The following FAT4 variants were observed in gnomAD, a reference collection of about 807,000 sequenced individuals.
FAT4 encodes FAT atypical cadherin 4.
A neutral mutation model predicts 303.9 loss-of-function variants in FAT4; 84 were observed. That is an observed-to-expected ratio of 0.28 (90% CI 0.23 to 0.33). FAT4 has a LOEUF of 0.33. FAT4 is among the 10% of genes least tolerant of loss of function. The probability of loss-of-function intolerance (pLI) is 1.00; values close to 1 mark genes in which losing one functional copy is unlikely to be tolerated. For missense variants in FAT4, 6,005 were observed against 6,146.8 expected (o/e 0.98, Z 0.77); for synonymous variants, 2,307 against 2,298.8 (o/e 1.00, Z -0.10).
chr4:125,451,732 T>G lies in FAT4; in HGVS notation c.10722T>G (p.Ile3574Met), dbSNP rs1388095643. The G allele has an allele frequency of 1.2e-6, 2 of 1,614,050 alleles. No homozygotes were observed. Among genetic ancestry groups the G allele is most frequent in the Non-Finnish European group, 1.7e-6 (2 of 1,180,032 alleles). Residue 3574 changes from isoleucine (I) to methionine (M), a missense_variant, in exon 10 of 18, where the codon ATT (isoleucine) becomes ATG (methionine). Ile to Met is a conservative substitution (Grantham distance 10, BLOSUM62 1). Coordinates refer to ENST00000394329, the MANE Select transcript of FAT4 (RefSeq NM_001291303.3). ...GAGTTCTGAGCACAACCAGAGAGAT[T>G]GACAGAGAGCAGATTGCAGACTTCT... ...TAGVLSTTRE[I>M]DREQIADFYL... is the part of the protein sequence containing the mutation.
chr4:125,422,241 A>T (rs1724929089), intron 7 of FAT4, among the ~76,000 whole-genome samples: 1 of 152,234 alleles, frequency 6.6e-6, no homozygotes, highest in South Asian at 2.1e-4. Flanking sequence ...ATTGGTAATT[A>T]TCACTGCCAA....
Position 125,451,583 on chromosome 4 carries a change from C to G in FAT4, c.10573C>G (p.Pro3525Ala). ...AGGAGAAGTCATGGAAAACAAACGGCCAGGCACTTTGGTGATGACCCTTCA... is the reference window on the plus strand; with the variant it reads ...AGGAGAAGTCATGGAAAACAAACGGGCAGGCACTTTGGTGATGACCCTTCA... ...SEGEVMENKR[P>A]GTLVMTLQST... Residue 3525 changes from proline to alanine, a missense_variant, in exon 10 of 18, where the codon CCA becomes GCA. By Grantham distance (27) the Pro-to-Ala change is conservative. Transcript: ENST00000394329. 1.2e-6 allele frequency: 2 copies of G among 1,614,120 alleles called. No individual in the cohort carries two copies. Among genetic ancestry groups the G allele is most frequent in the Non-Finnish European group, 1.7e-6 (2 of 1,180,014 alleles).
At chr4:125,425,723 T>C (rs1291873249) in intron 7 of FAT4, among the ~76,000 whole-genome samples, 1 of 151,950 alleles carries the variant, frequency 6.6e-6, no homozygotes, top group African/African-American at 2.4e-5. Context: ...AATTTGGGGG[T>C]AGGAGATTAA....
In FAT4 at chr4:125,433,002, C is replaced by G. The variant is rs1271379040; in HGVS notation, c.7019-1243C>G. 7.2e-5 allele frequency among the ~76,000 whole-genome samples: 11 copies of G among 152,158 alleles called. No individual in the cohort carries two copies. In the East Asian group the frequency reaches 2.1e-3, roughly 29 times the overall value. On this transcript the variant is annotated intron_variant, in intron 7 of 17. Transcript: ENST00000394329. The stretch of plus-strand genomic sequence containing the variant: ...CCATTTCATTCCATAATTTCCCCAT[C>G]TGTTGATTTTGGTTCCTATACACAC...
intron 7 of FAT4, among the ~76,000 whole-genome samples, chr4:125,422,877 G>A (rs28841973): frequency 1.1e-3 from 161 of 152,234 alleles, no homozygotes; most frequent in African/African-American, 3.7e-3. Context: ...AAAATGCTGA[G>A]GTGTTATGGA....
At chr4:125,378,673 T>C (rs1733426561) in intron 2 of FAT4, among the ~76,000 whole-genome samples, 1 of 152,184 alleles carries the variant, frequency 6.6e-6, no homozygotes, top group Non-Finnish European at 1.5e-5. Context: ...TCAATGTTAG[T>C]ACAATTTCTC....
chr4:125,463,260 A>G (rs1003229697), intron 10 of FAT4, among the ~76,000 whole-genome samples: 1 of 152,010 alleles, frequency 6.6e-6, no homozygotes, highest in African/African-American at 2.4e-5. Context: ...GACACAGAAA[A>G]TAAATTCAGT....
At position 125,319,296 on chromosome 4, in the gene FAT4, A is replaced by C; in HGVS notation, c.2885A>C (p.Tyr962Ser). 6.2e-7 allele frequency: 1 copy of C among 1,614,120 alleles called. No homozygotes were observed. The highest frequency in any genetic ancestry group is 8.5e-7 in the Non-Finnish European group (1 of 1,180,014). Residue 962 changes from tyrosine (Y) to serine (S), a missense_variant, in exon 2 of 18, where the codon TAC becomes TCC. Transcript: ENST00000394329. ...LGPLDVHAGS[Y>S]QIEILASDMG... is the part of the protein sequence containing the mutation. The stretch of plus-strand genomic sequence containing the variant: ...CCCCTGGATGTTCATGCTGGCTCCT[A>C]CCAAATAGAGATCTTGGCATCTGAC...
intron 12 of FAT4, among the ~76,000 whole-genome samples, chr4:125,470,923 C>G (rs536668906): frequency 6.6e-6 from 1 of 152,290 alleles, no homozygotes; most frequent in South Asian, 2.1e-4. Flanking sequence ...TTTCGAAATG[C>G]CTTCGTCACT....
At chr4:125,361,711 A>G (rs79008862) in intron 2 of FAT4, among the ~76,000 whole-genome samples, 9,179 of 152,232 alleles carry the variant, frequency 0.06, 413 homozygotes, top group East Asian at 0.19. Flanking sequence ...AAAATAGAAT[A>G]GAGGAGATGT....
At chr4:125,481,845 G>C in intron 16 of FAT4, 107 bp downstream of exon 16, 9 of 908,160 alleles carry the variant, frequency 9.9e-6, no homozygotes, top group Non-Finnish European at 1.5e-5. Context: ...ACCCATTAGA[G>C]TTCCGACTAA....
rs189742812 is a variant in FAT4 at position 125,443,432 on chromosome 4, T to C, written c.7200-2861T>C. On this transcript the variant is annotated intron_variant, in intron 8 of 17. Coordinates refer to ENST00000394329, the MANE Select transcript of FAT4 (RefSeq NM_001291303.3). ...TTCCCTCAGTTGAGTTTTACCTTCC[T>C]TCTACTGTGGAATAATGGGAAAAGT... Among the ~76,000 whole-genome samples, 29 of 152,278 alleles carry C rather than the reference T, an allele frequency of 1.9e-4. No individual in the cohort carries two copies. In the East Asian group the frequency reaches 4.4e-3, roughly 23 times the overall value.
intron 2 of FAT4, among the ~76,000 whole-genome samples, chr4:125,356,882 G>T (rs1374628796): frequency 1.3e-5 from 2 of 151,558 alleles, no homozygotes; most frequent in Non-Finnish European, 2.9e-5. Context: ...TCAATGGCGG[G>T]ATACTGCACA....
intron 2 of FAT4, among the ~76,000 whole-genome samples, chr4:125,375,097 T>G (rs2125994417): frequency 6.6e-6 from 1 of 152,292 alleles, no homozygotes; most frequent in African/African-American, 2.4e-5. Flanking sequence ...AAAAATAGAT[T>G]ATCACTTGAG....
chr4:125,442,367 T>A (rs191132786), intron 8 of FAT4, among the ~76,000 whole-genome samples: 62 of 152,194 alleles, frequency 4.1e-4, no homozygotes, highest in Non-Finnish European at 6.6e-4. Context: ...AAACCAGGAT[T>A]TTTTTTAACC....
chr4:125,370,971 C>T (rs1004497056), intron 2 of FAT4, among the ~76,000 whole-genome samples: 1 of 151,834 alleles, frequency 6.6e-6, no homozygotes, highest in African/African-American at 2.4e-5. Context: ...CGTGGTGAAA[C>T]CTCGTCTCTA....
chr4:125,320,149 C>T lies in FAT4; in HGVS notation c.3738C>T (p.His1246=). The change falls in exon 2 of 18, where the codon CAC becomes CAT. Residue 1246 remains histidine, a synonymous_variant. Coordinates refer to ENST00000394329, the MANE Select transcript of FAT4 (RefSeq NM_001291303.3). ...DVDEGNNGLI[H]YSIIKGNEER... ...ATGAAGGTAATAATGGACTTATTCACTATTCTATAATAAAAGGAAATGAAG... is the reference window on the plus strand; with the variant it reads ...ATGAAGGTAATAATGGACTTATTCATTATTCTATAATAAAAGGAAATGAAG... 2 of 1,613,932 alleles carry T rather than the reference C, an allele frequency of 1.2e-6. No homozygotes were observed. The highest frequency in any genetic ancestry group is 1.7e-6 in the Non-Finnish European group (2 of 1,179,856).
chr4:125,340,410 G>A (rs1340430903), intron 2 of FAT4, among the ~76,000 whole-genome samples: 1 of 150,962 alleles, frequency 6.6e-6, no homozygotes, highest in Non-Finnish European at 1.5e-5. Context: ...TTGAGACGGA[G>A]CCTCGCTCTG....
intron 2 of FAT4, among the ~76,000 whole-genome samples, chr4:125,386,696 C>T (rs903258018): frequency 6.6e-6 from 1 of 152,046 alleles, no homozygotes; most frequent in African/African-American, 2.4e-5. Flanking sequence ...AAATTTTATT[C>T]ATTACTGTTT....
Sources: allele counts gnomAD v4.1 joint callset (sites outside exome capture counted in the v4.1 genomes callset), GRCh38; gene constraint gnomAD v4.1.1; transcripts MANE v1.5; gene names NCBI Gene and HGNC (gene_info 2026-07-23, HGNC 2026-07-21).